The following ZNF420 variants were observed in gnomAD, a reference collection of about 807,000 sequenced individuals.
ZNF420 encodes zinc finger protein 420.
Under a neutral mutation model 44.7 loss-of-function variants are expected in ZNF420, and 31 were observed. The ratio of observed to expected loss-of-function variants is 0.69; its 90% CI spans 0.52 to 0.94. The LOEUF is 0.94. Ranked by LOEUF, ZNF420 falls within the 40% of genes least tolerant of loss-of-function variation. ZNF420 has a pLI of 0.00. For missense variants in ZNF420, 681 were observed against 827.9 expected, an observed-to-expected ratio of 0.82 and a Z score of 2.18; for synonymous variants, 245 against 267.4, an observed-to-expected ratio of 0.92 and a Z score of 0.82.
At chr19:37,018,065 T>G (rs1223976365) in intron 1 of ZNF420, among the ~76,000 whole-genome samples, 1 of 151,898 alleles carries the variant, frequency 6.6e-6, no homozygotes, top group Admixed American at 6.6e-5. Flanking sequence ...CACAATAGCA[T>G]CAAAAAGAAT....
At chr19:37,045,003 C>T (rs1476615190) in intron 1 of ZNF420, among the ~76,000 whole-genome samples, 2 of 152,156 alleles carry the variant, frequency 1.3e-5, no homozygotes. Context: ...GGTGCCAGTG[C>T]ATCAGGTAAA....
chr19:37,060,731 C>A (rs74948822), intron 1 of ZNF420, among the ~76,000 whole-genome samples: 1 of 152,020 alleles, frequency 6.6e-6, no homozygotes, highest in East Asian at 1.9e-4. Context: ...CTAGAATGAG[C>A]GGTAGGCGAC....
At chr19:37,061,785 A>C (rs1423036821) in intron 1 of ZNF420, among the ~76,000 whole-genome samples, 1 of 152,206 alleles carries the variant, frequency 6.6e-6, no homozygotes, top group Non-Finnish European at 1.5e-5. Flanking sequence ...TGAGGCATCC[A>C]CATATCCCAT....
At chr19:37,120,907 C>T (rs964261323) in intron 4 of ZNF420, among the ~76,000 whole-genome samples, 2 of 151,934 alleles carry the variant, frequency 1.3e-5, no homozygotes, top group African/African-American at 2.4e-5. Context: ...TCTAGGAATC[C>T]AACTTACAAG....
rs539700516 is a variant in ZNF420, at chr19:37,023,514, C to T, written c.-125+15432C>T. 2.6e-4 allele frequency among the ~76,000 whole-genome samples: 39 copies of T among 151,992 alleles called. No individual in the cohort carries two copies. In the South Asian group the frequency reaches 3.5e-3, roughly 14 times the overall value. On this transcript the variant is annotated intron_variant, in intron 1 of 4. Transcript: ENST00000587029. ...CTGGGTAGCTGGGATTACAGGTGCA[C>T]GTCACCATGCCCAGCTAATATTTGT...
Position 37,130,280 on chromosome 19 carries a change from C to A in ZNF420, c.*1222C>A. On this transcript the variant is annotated 3_prime_UTR_variant, in exon 5 of 5. Coordinates refer to ENST00000337995, the MANE Select transcript of ZNF420 (RefSeq NM_144689.5). ...ATACTAGCTCTGGTCTGCTTGCCTC[C>A]TGTTTCTCTTTAAATAAAATTAAAC... 1 of 1,415,468 alleles carries A rather than the reference C, an allele frequency of 7.1e-7. No individual in the cohort carries two copies. Among genetic ancestry groups the A allele is most frequent in the Non-Finnish European group, 9.3e-7 (1 of 1,080,388 alleles). The allele number at this position is 1,415,468 out of a possible 1,614,324, so 87.7% of individuals were successfully genotyped here. A position where few individuals can be genotyped will look rare whatever the true frequency, so the allele number is the denominator to read the frequency against.
chr19:37,116,600 G>A (rs1189465249), intron 4 of ZNF420, among the ~76,000 whole-genome samples: 2 of 152,240 alleles, frequency 1.3e-5, no homozygotes, highest in East Asian at 1.9e-4. Context: ...GTGCCAGACA[G>A]TGGGTGCAGG....
intron 4 of ZNF420, chr19:37,106,678 GGT>G (rs1250171456): frequency 6.6e-6 from 1 of 152,146 alleles, no homozygotes; most frequent in Non-Finnish European, 1.5e-5. Context: ...CATACCTGTG[GGT>G]GTTTCTCGTC....
At chr19:37,061,902 C>T (rs929701860) in intron 1 of ZNF420, among the ~76,000 whole-genome samples, 1 of 152,148 alleles carries the variant, frequency 6.6e-6, no homozygotes, top group Non-Finnish European at 1.5e-5. Flanking sequence ...GTTAATTCAA[C>T]GTTTAATGGT....
intron 2 of ZNF420, among the ~76,000 whole-genome samples, chr19:37,086,681 T>C (rs938306664): frequency 1.3e-5 from 2 of 152,222 alleles, no homozygotes; most frequent in Non-Finnish European, 2.9e-5. Context: ...ATCTCTACAT[T>C]TGGATTGCTG....
Position 37,127,510 on chromosome 19 carries a change from G to C in ZNF420, c.519G>C (p.Gly173=), listed in dbSNP as rs1568481670. The C allele has an allele frequency of 1.2e-6, 2 of 1,613,888 alleles. No individual in the cohort carries two copies. The highest frequency in any genetic ancestry group is 1.7e-6 in the Non-Finnish European group (2 of 1,179,854). The change falls in exon 5 of 5, where the codon GGG becomes GGC. Residue 173 remains glycine, a synonymous_variant. Coordinates refer to ENST00000337995, the MANE Select transcript of ZNF420 (RefSeq NM_144689.5). ...AACCCTATGAATGTAAGCAATGCGG[G>C]AAGGCCTTTAGTCGTGATTCACAAC... ...GEKPYECKQC[G]KAFSRDSQLS... is the part of the protein sequence containing the mutation.
chr19:37,121,464 A>C (rs1363548480), intron 4 of ZNF420, among the ~76,000 whole-genome samples: 2 of 151,104 alleles, frequency 1.3e-5, no homozygotes. Flanking sequence ...CACCTTATAC[A>C]AAAATTAATT....
chr19:37,118,383 AAGG>A (rs551093581), intron 4 of ZNF420, among the ~76,000 whole-genome samples: 154 of 152,316 alleles, frequency 1.0e-3, no homozygotes, highest in African/African-American at 3.5e-3. Flanking sequence ...TTCATAAGTG[AAGG>A]AGAAGTAAAA....
chr19:37,028,585 T>A (rs1432426680), intron 1 of ZNF420, among the ~76,000 whole-genome samples: 1 of 152,220 alleles, frequency 6.6e-6, no homozygotes, highest in African/African-American at 2.4e-5. Context: ...ATTTGCCACT[T>A]GAAAGGCCAC....
intron 1 of ZNF420, among the ~76,000 whole-genome samples, chr19:37,069,883 G>A (rs1423437687): frequency 1.3e-5 from 2 of 152,040 alleles, no homozygotes; most frequent in African/African-American, 4.8e-5. Context: ...GCTTAAAAAT[G>A]TGAGAAAACA....
intron 2 of ZNF420, among the ~76,000 whole-genome samples, chr19:37,083,139 G>A (rs539307666): frequency 1.3e-4 from 19 of 150,292 alleles, no homozygotes; most frequent in African/African-American, 3.9e-4. Flanking sequence ...GATTACAGGC[G>A]TGAGCCACCA....
rs144883652 is a variant in ZNF420, at chr19:37,108,746, T to C, written c.136+17625T>C. On this transcript the variant is annotated intron_variant, in intron 4 of 4. Coordinates refer to ENST00000337995, the MANE Select transcript of ZNF420 (RefSeq NM_144689.5). The stretch of plus-strand genomic sequence containing the variant: ...GAAAGACTGTAATTTTTTGTGCTTA[T>C]GTTTGTCTAAACTTTCTGTTAAGTC... Among the ~76,000 whole-genome samples, 788 of 151,940 alleles carry C rather than the reference T, an allele frequency of 5.2e-3. 32 individuals carry two copies. The East Asian group carries it at 0.081, about 16-fold the overall frequency.
intron 4 of ZNF420, among the ~76,000 whole-genome samples, chr19:37,122,177 G>A (rs2145308969): frequency 6.6e-6 from 1 of 152,154 alleles, no homozygotes; most frequent in African/African-American, 2.4e-5. Context: ...TGTTTATTGT[G>A]GCACTATTCA....
At chr19:37,061,964 T>G (rs1967886574) in intron 1 of ZNF420, among the ~76,000 whole-genome samples, 1 of 152,190 alleles carries the variant, frequency 6.6e-6, no homozygotes, top group Non-Finnish European at 1.5e-5. Context: ...CAAAAAACTT[T>G]CATCTATGTG....
Sources: gnomAD v4.1 joint callset for allele counts (sites outside exome capture counted in the v4.1 genomes callset) on GRCh38, gnomAD v4.1.1 for gene constraint, MANE v1.5 for transcripts, NCBI Gene and HGNC (gene_info 2026-07-23, HGNC 2026-07-21) for gene names.